Variants in CTNND2 observed in about 807,000 individuals in gnomAD.
CTNND2 encodes catenin delta-2.
CTNND2 carries 22 observed loss-of-function variants against 144.4 expected under a neutral mutation model. That is an observed-to-expected ratio of 0.15 (90% CI 0.11 to 0.22). The LOEUF (loss-of-function observed/expected upper bound fraction) is 0.22, where lower values mean the gene tolerates loss of function less well. Ranked by LOEUF, CTNND2 falls within the 10% of genes least tolerant of loss-of-function variation. CTNND2 has a pLI of 1.00. For synonymous variants in CTNND2, 751 were observed against 695.6 expected (o/e 1.08, Z -1.25); for missense variants, 1,353 against 1,618.8 (o/e 0.84, Z 2.82).
At chr5:11,164,065 C>T (rs1011157696) in intron 11 of CTNND2, among the ~76,000 whole-genome samples, 18 of 152,068 alleles carry the variant, frequency 1.2e-4, no homozygotes, top group African/African-American at 3.9e-4. Context: ...CTGCCTGCAT[C>T]GCATTCCTTG....
chr5:11,045,552 G>A (rs1207400642), intron 16 of CTNND2, among the ~76,000 whole-genome samples: 1 of 152,068 alleles, frequency 6.6e-6, no homozygotes, highest in East Asian at 1.9e-4. Context: ...ATTTTGAGGG[G>A]ACAAACATCC....
At chr5:11,623,533 T>C (rs1780964880) in intron 2 of CTNND2, among the ~76,000 whole-genome samples, 1 of 151,792 alleles carries the variant, frequency 6.6e-6, no homozygotes, top group African/African-American at 2.4e-5. Flanking sequence ...TCTTTATAAA[T>C]TACCCAGTCT....
chr5:11,888,639 T>C (rs1253723552), intron 1 of CTNND2, among the ~76,000 whole-genome samples: 2 of 152,158 alleles, frequency 1.3e-5, no homozygotes, highest in Non-Finnish European at 2.9e-5. Flanking sequence ...GTTATTTTTA[T>C]AGATCAAACA....
intron 10 of CTNND2, among the ~76,000 whole-genome samples, chr5:11,217,730 G>C (rs1258046953): frequency 6.6e-6 from 1 of 152,206 alleles, no homozygotes; most frequent in African/African-American, 2.4e-5. Context: ...CAGTGCCTAA[G>C]AGCAAGCCAC....
chr5:11,296,173 G>A (rs1409525847), intron 9 of CTNND2, among the ~76,000 whole-genome samples: 3 of 151,858 alleles, frequency 2.0e-5, no homozygotes, highest in African/African-American at 7.3e-5. Context: ...GTGGTTGAAG[G>A]ATATGAACAG....
At chr5:11,145,003 T>C (rs759738237) in intron 12 of CTNND2, among the ~76,000 whole-genome samples, 5 of 151,996 alleles carry the variant, frequency 3.3e-5, no homozygotes, top group Non-Finnish European at 5.9e-5. Context: ...TCAGACCCTA[T>C]GCCAAGCAAT....
chr5:11,860,113 T>C (rs1396152978), intron 1 of CTNND2, among the ~76,000 whole-genome samples: 1 of 152,244 alleles, frequency 6.6e-6, no homozygotes, highest in African/African-American at 2.4e-5. Context: ...AATTGGTTTA[T>C]GCTACAATTA....
chr5:11,340,827 C>T lies in CTNND2; in HGVS notation c.1628+5545G>A, dbSNP rs116007250. Among the ~76,000 whole-genome samples the T allele has an allele frequency of 2.8e-3, 420 of 152,176 alleles. 2 individuals carry two copies. The highest frequency in any genetic ancestry group is 9.6e-3 in the African/African-American group (397 of 41,512). ...CCACCTCTCTGAGCCTCAGTTTCCC[C>T]ACATGTAAAATAGGTATTATAAAAA... On this transcript the variant is annotated intron_variant, in intron 9 of 21. Transcript: ENST00000304623.
chr5:11,026,852 C>A (rs981803816), intron 16 of CTNND2, among the ~76,000 whole-genome samples: 1 of 152,122 alleles, frequency 6.6e-6, no homozygotes, highest in Non-Finnish European at 1.5e-5. Context: ...ACTGACAGGG[C>A]TTGGAGCCCA....
chr5:11,520,329 A>T (rs1772612644), intron 3 of CTNND2, among the ~76,000 whole-genome samples: 1 of 152,116 alleles, frequency 6.6e-6, no homozygotes. Context: ...CCCTGCCACC[A>T]GGAAATCCTA....
In CTNND2 at chr5:11,456,907, A is replaced by G. The variant is rs538327222; in HGVS notation, c.288-44838T>C. Among the ~76,000 whole-genome samples the G allele has an allele frequency of 1.7e-3, 256 of 152,304 alleles. 2 individuals carry two copies. Among genetic ancestry groups the G allele is most frequent in the African/African-American group, 5.9e-3 (247 of 41,566 alleles). ...GAAAATCTAGAACTCTGGTCTTCATATTCTGAAGACAGTGATTTTTATCAC... is the reference window on the plus strand; with the variant it reads ...GAAAATCTAGAACTCTGGTCTTCATGTTCTGAAGACAGTGATTTTTATCAC... On this transcript the variant is annotated intron_variant, in intron 3 of 21. Coordinates refer to ENST00000304623, the MANE Select transcript of CTNND2 (RefSeq NM_001332.4).
At chr5:11,376,079 C>T (rs1033380793) in intron 7 of CTNND2, among the ~76,000 whole-genome samples, 12 of 151,958 alleles carry the variant, frequency 7.9e-5, no homozygotes, top group African/African-American at 2.4e-4. Context: ...AAGGGGCCAT[C>T]GATGAGCCGA....
At chr5:11,690,553 G>T (rs1784852120) in intron 2 of CTNND2, among the ~76,000 whole-genome samples, 1 of 151,750 alleles carries the variant, frequency 6.6e-6, no homozygotes, top group Non-Finnish European at 1.5e-5. Flanking sequence ...CTAACAAGGT[G>T]AAACCCCGTC....
chr5:11,746,805 T>C (rs1318870219), intron 1 of CTNND2, among the ~76,000 whole-genome samples: 5 of 152,220 alleles, frequency 3.3e-5, no homozygotes, highest in Non-Finnish European at 5.9e-5. Context: ...AAAGAACATT[T>C]ATAATTTATT....
chr5:11,516,867 A>G (rs1223974605), intron 3 of CTNND2, among the ~76,000 whole-genome samples: 1 of 152,192 alleles, frequency 6.6e-6, no homozygotes, highest in East Asian at 1.9e-4. Context: ...GACACAGAAA[A>G]GCTCAACAAT....
At chr5:11,883,263 T>C (rs1386650902) in intron 1 of CTNND2, among the ~76,000 whole-genome samples, 1 of 152,112 alleles carries the variant, frequency 6.6e-6, no homozygotes, top group African/African-American at 2.4e-5. Flanking sequence ...ACACGTGACA[T>C]GGTGGTTTGC....
rs1554058791 is a variant in CTNND2 at position 11,439,801 on chromosome 5, T to TATCTTA, written c.288-27733_288-27732insTAAGAT. On this transcript the variant is annotated intron_variant, in intron 3 of 21. Coordinates refer to ENST00000304623, the MANE Select transcript of CTNND2 (RefSeq NM_001332.4). ...CTATCTATCTATCTATCTATCTATC[T>TATCTTA]TATATATATGTGTGTATATATATGT... Among the ~76,000 whole-genome samples the TATCTTA allele has an allele frequency of 1.3e-4, 19 of 145,776 alleles. No individual in the cohort carries two copies. In the South Asian group the frequency reaches 4.0e-3, roughly 31 times the overall value.
intron 1 of CTNND2, among the ~76,000 whole-genome samples, chr5:11,768,853 CAT>C (rs564639088): frequency 1.3e-4 from 20 of 152,292 alleles, no homozygotes; most frequent in African/African-American, 3.4e-4. Context: ...ATCTTTCAAA[CAT>C]GTGGGGAATT....
chr5:11,603,518 G>C (rs565080974), intron 2 of CTNND2, among the ~76,000 whole-genome samples: 2 of 152,250 alleles, frequency 1.3e-5, no homozygotes, highest in African/African-American at 4.8e-5. Flanking sequence ...TGCTTTGACA[G>C]TGAAATAGAC....
Sources: allele counts gnomAD v4.1 joint callset (sites outside exome capture counted in the v4.1 genomes callset), GRCh38; gene constraint gnomAD v4.1.1; transcripts MANE v1.5; gene names NCBI Gene and HGNC (gene_info 2026-07-23, HGNC 2026-07-21).